The following RAB27B variants were observed in gnomAD, a reference collection of about 807,000 sequenced individuals.
RAB27B encodes the protein ras-related protein Rab-27B.
In RAB27B, 15 loss-of-function variants were observed where a neutral mutation model predicts 24.6. The observed-to-expected ratio is 0.61, with a 90% CI of 0.41 to 0.94. RAB27B has a LOEUF of 0.94. Ranked by LOEUF, RAB27B falls within the 40% of genes least tolerant of loss-of-function variation. The pLI, the probability that RAB27B is intolerant of heterozygous loss-of-function variation, is 0.00. For missense variants in RAB27B, 261 were observed against 266.8 expected, an observed-to-expected ratio of 0.98 and a Z score of 0.15; for synonymous variants, 105 against 92.5, an observed-to-expected ratio of 1.14 and a Z score of -0.78.
At chr18:54,787,312 T>G (rs1048923847) in intron 2 of RAB27B, among the ~76,000 whole-genome samples, 2 of 152,208 alleles carry the variant, frequency 1.3e-5, no homozygotes, top group Non-Finnish European at 2.9e-5. Context: ...CTGTTGATTC[T>G]GGGGAATGTT....
At chr18:54,836,203 G>A (rs1408004694) in intron 1 of RAB27B, among the ~76,000 whole-genome samples, 1 of 151,946 alleles carries the variant, frequency 6.6e-6, no homozygotes, top group African/African-American at 2.4e-5. Flanking sequence ...TCTTTGGAAA[G>A]TGATTAAATG....
chr18:54,825,052 A>G (rs1910429455), upstream of RAB27B, among the ~76,000 whole-genome samples: 1 of 152,176 alleles, frequency 6.6e-6, no homozygotes, highest in African/African-American at 2.4e-5. Flanking sequence ...CATATCTGAA[A>G]ATTTTTTAAA....
chr18:54,739,086 G>T (rs1306254427), intron 2 of RAB27B, among the ~76,000 whole-genome samples: 1 of 152,078 alleles, frequency 6.6e-6, no homozygotes, highest in African/African-American at 2.4e-5. Flanking sequence ...TTCACTCCAT[G>T]TCATGTTTTT....
chr18:54,891,393 T>C lies in RAB27B; in HGVS notation c.*1980T>C, dbSNP rs1913363971. ...GGTTGTGGCTGGGTATTCCCTCCCA[T>C]GGTGTTTCCTCTGGGATGCTCTTCA... On this transcript the variant is annotated 3_prime_UTR_variant, in exon 6 of 6. Transcript: ENST00000262094. 2 of 152,106 alleles carry C rather than the reference T, an allele frequency of 1.3e-5. No individual in the cohort carries two copies. The highest frequency in any genetic ancestry group is 1.3e-4 in the Admixed American group (2 of 15,258). 9.4% of individuals were successfully genotyped at this position (152,106 alleles called of 1,614,324 possible).
intron 2 of RAB27B, among the ~76,000 whole-genome samples, chr18:54,775,588 A>G (rs1170235233): frequency 6.6e-6 from 1 of 152,196 alleles, no homozygotes; most frequent in Non-Finnish European, 1.5e-5. Flanking sequence ...CAGAATAAAT[A>G]TCTGCTGCAG....
intron 1 of RAB27B, among the ~76,000 whole-genome samples, chr18:54,832,534 A>T (rs1017434820): frequency 1.3e-5 from 2 of 152,210 alleles, no homozygotes; most frequent in African/African-American, 4.8e-5. Flanking sequence ...TAGAAATTTG[A>T]GAAGCAAGTG....
chr18:54,771,455 G>A (rs1908545787), intron 2 of RAB27B, among the ~76,000 whole-genome samples: 1 of 152,090 alleles, frequency 6.6e-6, no homozygotes, highest in South Asian at 2.1e-4. Flanking sequence ...TAAGGGTAGA[G>A]CAACAACGAG....
chr18:54,847,495 T>C (rs1487735573), intron 1 of RAB27B, among the ~76,000 whole-genome samples: 2 of 152,208 alleles, frequency 1.3e-5, no homozygotes, highest in Non-Finnish European at 2.9e-5. Context: ...CAATTAGGAA[T>C]ATGATGTTAG....
intron 2 of RAB27B, among the ~76,000 whole-genome samples, chr18:54,728,875 CAAAAAAAAAA>C (rs56161105): frequency 2.7e-5 from 1 of 36,668 alleles, no homozygotes; most frequent in South Asian, 2.6e-3. Context: ...GACTCTGTCT[CAAAAAAAAAA>C]AAAAAAAAAA....
At chr18:54,841,554 T>C (rs1404711896) in intron 1 of RAB27B, among the ~76,000 whole-genome samples, 1 of 152,186 alleles carries the variant, frequency 6.6e-6, no homozygotes, top group Non-Finnish European at 1.5e-5. Flanking sequence ...TGGCAGATGC[T>C]GTGGTAATTC....
intron 2 of RAB27B, among the ~76,000 whole-genome samples, chr18:54,789,638 G>T (rs1909189308): frequency 6.6e-6 from 1 of 151,666 alleles, no homozygotes; most frequent in Non-Finnish European, 1.5e-5. Context: ...GTAAGATGTT[G>T]CAAATGACTA....
At chr18:54,886,482 C>A (rs1427592927) in intron 4 of RAB27B, among the ~76,000 whole-genome samples, 2 of 151,814 alleles carry the variant, frequency 1.3e-5, no homozygotes, top group East Asian at 3.9e-4. Flanking sequence ...TTATATAGAA[C>A]CACTCTCGGT....
intron 2 of RAB27B, among the ~76,000 whole-genome samples, chr18:54,821,451 G>A (rs543881442): frequency 1.3e-5 from 2 of 151,968 alleles, no homozygotes; most frequent in Non-Finnish European, 2.9e-5. Context: ...CGTGAAAATG[G>A]CCATACTGCC....
Position 54,884,466 on chromosome 18 carries a change from C to T in RAB27B, c.343+30C>T, listed in dbSNP as rs139354028. On this transcript the variant is annotated intron_variant, in intron 4 of 5. Transcript: ENST00000262094. ...GTGGGACTGAGTAATGTGCATTGGC[C>T]GCTTTGGGACTCAACTGCCTTAGGT... The T allele has an allele frequency of 2.6e-4, 379 of 1,431,090 alleles. 5 individuals carry two copies. In the African/African-American group the frequency reaches 4.5e-3, roughly 17 times the overall value. 88.6% of individuals were successfully genotyped at this position (1,431,090 alleles called of 1,614,324 possible). A position where few individuals can be genotyped will look rare whatever the true frequency, so the allele number is the denominator to read the frequency against.
chr18:54,741,920 A>C (rs1910085213), intron 2 of RAB27B, among the ~76,000 whole-genome samples: 1 of 152,230 alleles, frequency 6.6e-6, no homozygotes, highest in African/African-American at 2.4e-5. Context: ...GACATAGTCT[A>C]GAGTTAAATA....
intron 2 of RAB27B, among the ~76,000 whole-genome samples, chr18:54,738,405 G>A (rs1485937983): frequency 2.0e-5 from 3 of 152,234 alleles, no homozygotes; most frequent in South Asian, 4.1e-4. Context: ...CTCCCATGCT[G>A]TTCTCGTGAT....
At chr18:54,879,268 G>C in intron 2 of RAB27B, 101 bp from the exon 3 acceptor site, 1 of 859,152 alleles carries the variant, frequency 1.2e-6, no homozygotes, top group Non-Finnish European at 2.0e-6. Context: ...TATGAACTTT[G>C]ATTATAGTAA....
chr18:54,884,580 C>T, intron 4 of RAB27B, 144 bp downstream of exon 4: 3 of 565,834 alleles, frequency 5.3e-6, no homozygotes, highest in Non-Finnish European at 9.4e-6. Flanking sequence ...GCCACTGTGT[C>T]ACCTTCAAAG....
chr18:54,866,306 T>C (rs61472273), intron 1 of RAB27B, among the ~76,000 whole-genome samples: 4,661 of 136,490 alleles, frequency 0.034, 245 homozygotes, highest in African/African-American at 0.12. Flanking sequence ...CCCCGCGCCC[T>C]GCGCTCCAAT....
Sources: gnomAD v4.1 joint callset for allele counts (sites outside exome capture counted in the v4.1 genomes callset) on GRCh38, gnomAD v4.1.1 for gene constraint, MANE v1.5 for transcripts, NCBI Gene and HGNC (gene_info 2026-07-23, HGNC 2026-07-21) for gene names.